The following MYBL1 variants were observed in gnomAD, a reference collection of about 807,000 sequenced individuals.
The protein encoded by MYBL1 is myb-related protein A.
A neutral mutation model predicts 96.3 loss-of-function variants in MYBL1; 17 were observed. The ratio of observed to expected loss-of-function variants is 0.18; its 90% CI spans 0.12 to 0.26. The LOEUF (loss-of-function observed/expected upper bound fraction) is 0.26, where lower values mean the gene tolerates loss of function less well. Among genes scored for constraint, MYBL1 ranks in the 10% least tolerant of loss-of-function variants. The pLI is 1.00. For synonymous variants in MYBL1, 282 were observed against 292.7 expected (o/e 0.96, Z 0.37); for missense variants, 701 against 882.9 (o/e 0.79, Z 2.61).
chr8:66,580,354 A>T lies in MYBL1; in HGVS notation c.880T>A (p.Phe294Ile). ...AGGAAACTACCAGACCAGCTAGAAAAACTTCCAGGCTGCTAAAGGTACAAA... is the reference window on the plus strand; with the variant it reads ...AGGAAACTACCAGACCAGCTAGAAATACTTCCAGGCTGCTAAAGGTACAAA... ...RKRIPSQPGSFSSWSGSFLMD... is the reference protein window; with the variant it reads ...RKRIPSQPGSISSWSGSFLMD... The change falls in exon 9 of 16, where the codon TTT (phenylalanine) becomes ATT (isoleucine). Residue 294 changes from phenylalanine to isoleucine, a missense_variant. Physicochemically the swap from Phe to Ile is conservative, Grantham distance 21. Transcript: ENST00000522677. 1 of 1,601,724 alleles carries T rather than the reference A, an allele frequency of 6.2e-7. No individual in the cohort carries two copies. The highest frequency in any genetic ancestry group is 8.5e-7 in the Non-Finnish European group (1 of 1,170,148).
At chr8:66,582,959 G>C (rs895770095) in intron 8 of MYBL1, among the ~76,000 whole-genome samples, 2 of 152,010 alleles carry the variant, frequency 1.3e-5, no homozygotes, top group African/African-American at 4.8e-5. Flanking sequence ...AATCAACAAA[G>C]AAACAAACAT....
chr8:66,589,478 C>T (rs774678459), intron 8 of MYBL1, among the ~76,000 whole-genome samples: 15 of 151,928 alleles, frequency 9.9e-5, no homozygotes, highest in African/African-American at 3.1e-4. Flanking sequence ...CCATGCCTGG[C>T]TAATTTATTT....
chr8:66,567,082 C>G, intron 12 of MYBL1, 90 bp from the exon 13 acceptor site: 1 of 755,664 alleles, frequency 1.3e-6, no homozygotes, highest in African/African-American at 1.8e-5. Flanking sequence ...TATACTTGTC[C>G]ATTATTGTCA....
intron 12 of MYBL1, among the ~76,000 whole-genome samples, chr8:66,571,195 T>A (rs1481011122): frequency 1.3e-5 from 2 of 152,200 alleles, no homozygotes; most frequent in African/African-American, 4.8e-5. Flanking sequence ...AAAATGCCCA[T>A]CACTGTTCCA....
At chr8:66,597,942 G>A (rs1284709859) in intron 4 of MYBL1, among the ~76,000 whole-genome samples, 3 of 147,772 alleles carry the variant, frequency 2.0e-5, no homozygotes, top group Non-Finnish European at 4.5e-5. Flanking sequence ...GTTATTGGTT[G>A]TCATTTCTTC....
intron 9 of MYBL1, among the ~76,000 whole-genome samples, chr8:66,578,865 T>G (rs1310795984): frequency 1.3e-5 from 2 of 152,002 alleles, no homozygotes; most frequent in Non-Finnish European, 2.9e-5. Flanking sequence ...ATTAAGAAAA[T>G]GTGGCACATA....
At chr8:66,577,526 G>T (rs1054842587) in intron 9 of MYBL1, among the ~76,000 whole-genome samples, 1 of 152,178 alleles carries the variant, frequency 6.6e-6, no homozygotes, top group Admixed American at 6.5e-5. Flanking sequence ...TACAAGGGAC[G>T]TGAAGGACCT....
In MYBL1 at chr8:66,599,059, T is replaced by C. The variant is rs775664515; in HGVS notation, c.282A>G (p.Glu94=). 7 of 1,583,730 alleles carry C rather than the reference T, an allele frequency of 4.4e-6. No homozygotes were observed. The highest frequency in any genetic ancestry group is 6.0e-6 in the Non-Finnish European group (7 of 1,167,208). Residue 94 remains glutamate, a synonymous_variant, in exon 4 of 16, where the codon GAA becomes GAG. Transcript: ENST00000522677. ...AATATGAACACATTACCCTCTGATCTTCTTCTTTAGTCCAAGGACCCTTTA... is the reference window on the plus strand; with the variant it reads ...AATATGAACACATTACCCTCTGATCCTCTTCTTTAGTCCAAGGACCCTTTA... ...ELIKGPWTKE[E]DQRVIELVQK... is the part of the protein sequence containing the mutation.
In MYBL1 at chr8:66,575,741, G is replaced by A. The variant is rs114981892; in HGVS notation, c.1470+266C>T. 4.8e-3 allele frequency among the ~76,000 whole-genome samples: 737 copies of A among 152,286 alleles called. 6 individuals carry two copies. The highest frequency in any genetic ancestry group is 0.016 in the African/African-American group (658 of 41,552). The stretch of plus-strand genomic sequence containing the variant: ...GGTGGTTGAGGTTGCGGTGAGCCGT[G>A]TTTGTGCCACTGCACTCCAACCTCG... On this transcript the variant is annotated intron_variant, in intron 10 of 15. Transcript: ENST00000522677.
intron 12 of MYBL1, among the ~76,000 whole-genome samples, chr8:66,571,678 C>A (rs562236847): frequency 1.3e-5 from 2 of 151,754 alleles, no homozygotes; most frequent in African/African-American, 4.8e-5. Context: ...GTCAGGAGAT[C>A]GAGACCATCC....
intron 9 of MYBL1, among the ~76,000 whole-genome samples, chr8:66,579,236 T>C (rs999372828): frequency 1.6e-4 from 24 of 151,108 alleles, no homozygotes; most frequent in African/African-American, 5.4e-4. Flanking sequence ...ATAATAATAA[T>C]AAAAAAATTA....
At chr8:66,612,440 C>A (rs762719881) in intron 1 of MYBL1, 19 of 255,852 alleles carry the variant, frequency 7.4e-5, no homozygotes, top group Admixed American at 1.6e-4. Context: ...GCCCGAACAC[C>A]ATTTTCAAGT....
chr8:66,609,043 A>C (rs1218978312), intron 1 of MYBL1, among the ~76,000 whole-genome samples: 4 of 152,098 alleles, frequency 2.6e-5, no homozygotes, highest in African/African-American at 4.8e-5. Context: ...GATTAGGGTG[A>C]TTATAAAACA....
chr8:66,585,746 AAAAG>A (rs1809393237), intron 8 of MYBL1, among the ~76,000 whole-genome samples: 1 of 152,188 alleles, frequency 6.6e-6, no homozygotes, highest in African/African-American at 2.4e-5. Flanking sequence ...TTGTCTCAAA[AAAAG>A]AAAGAAAACA....
chr8:66,607,036 G>A (rs977169943), intron 1 of MYBL1, among the ~76,000 whole-genome samples: 3 of 151,638 alleles, frequency 2.0e-5, no homozygotes, highest in South Asian at 2.1e-4. Context: ...CAGGTGATCC[G>A]CCAACCTTGG....
chr8:66,594,754 T>A (rs1176298689), intron 6 of MYBL1, among the ~76,000 whole-genome samples: 1 of 152,184 alleles, frequency 6.6e-6, no homozygotes, highest in African/African-American at 2.4e-5. Context: ...TTACTCTAAG[T>A]GGTTCTTTTA....
chr8:66,600,308 T>C (rs1194169762), intron 3 of MYBL1, among the ~76,000 whole-genome samples: 3 of 152,202 alleles, frequency 2.0e-5, no homozygotes, highest in Non-Finnish European at 2.9e-5. Context: ...CAGATAAAAA[T>C]GTTTTGTCTA....
At chr8:66,592,865 T>C (rs936642017) in intron 7 of MYBL1, among the ~76,000 whole-genome samples, 4 of 152,186 alleles carry the variant, frequency 2.6e-5, no homozygotes, top group East Asian at 1.9e-4. Context: ...AGCAAAAATA[T>C]GTCCATTCCC....
chr8:66,603,288 A>T (rs1352091291), intron 1 of MYBL1, among the ~76,000 whole-genome samples: 5 of 152,188 alleles, frequency 3.3e-5, no homozygotes, highest in Non-Finnish European at 7.3e-5. Flanking sequence ...TCTTCACAAC[A>T]ACCCAAGCAA....
Sources: allele counts gnomAD v4.1 joint callset (sites outside exome capture counted in the v4.1 genomes callset), GRCh38; gene constraint gnomAD v4.1.1; transcripts MANE v1.5; gene names NCBI Gene and HGNC (gene_info 2026-07-23, HGNC 2026-07-21).